Variants in KIAA0825 observed in about 807,000 individuals in gnomAD.
The protein encoded by KIAA0825 is uncharacterized protein KIAA0825.
KIAA0825 carries 119 observed loss-of-function variants against 147.6 expected under a neutral mutation model. That is an observed-to-expected ratio of 0.81 (90% CI 0.69 to 0.94). The LOEUF (loss-of-function observed/expected upper bound fraction) is 0.94, where lower values mean the gene tolerates loss of function less well. KIAA0825 is among the 40% of genes least tolerant of loss of function. KIAA0825 has a pLI of 0.00. For synonymous variants in KIAA0825, 470 were observed against 518.1 expected, an observed-to-expected ratio of 0.91 and a Z score of 1.26; for missense variants, 1,381 against 1,472.7, an observed-to-expected ratio of 0.94 and a Z score of 1.02.
At chr5:94,508,738 T>C (rs373631437) in intron 5 of KIAA0825, among the ~76,000 whole-genome samples, 3 of 152,214 alleles carry the variant, frequency 2.0e-5, no homozygotes, top group Non-Finnish European at 4.4e-5. Flanking sequence ...ATTGCACTTA[T>C]TGCCACTTCA....
intron 20 of KIAA0825, among the ~76,000 whole-genome samples, chr5:94,187,430 T>G (rs907034981): frequency 6.7e-5 from 10 of 149,592 alleles, no homozygotes; most frequent in African/African-American, 1.5e-4. Flanking sequence ...TTTTAATTTT[T>G]TTTTGTTTTG....
At chr5:94,387,363 G>A (rs1749298118) in intron 18 of KIAA0825, among the ~76,000 whole-genome samples, 1 of 152,122 alleles carries the variant, frequency 6.6e-6, no homozygotes, top group African/African-American at 2.4e-5. Context: ...TAGAAAAGCA[G>A]AATCTTGAAC....
intron 20 of KIAA0825, among the ~76,000 whole-genome samples, chr5:94,338,472 A>G (rs1229478103): frequency 6.6e-6 from 1 of 152,106 alleles, no homozygotes; most frequent in Non-Finnish European, 1.5e-5. Context: ...ATGGTGCCAC[A>G]TGTGCCACAT....
chr5:94,368,705 G>A (rs1584276939), intron 20 of KIAA0825, among the ~76,000 whole-genome samples: 2 of 152,220 alleles, frequency 1.3e-5, no homozygotes, highest in African/African-American at 4.8e-5. Context: ...ACAGAATTTA[G>A]ATGATGGGAA....
intron 15 of KIAA0825, among the ~76,000 whole-genome samples, chr5:94,406,364 A>G (rs2150645029): frequency 6.6e-6 from 1 of 152,320 alleles, no homozygotes; most frequent in African/African-American, 2.4e-5. Context: ...ATATATCTAG[A>G]ATTGTCCATA....
At chr5:94,217,891 C>T (rs1325786965) in intron 20 of KIAA0825, among the ~76,000 whole-genome samples, 1 of 152,060 alleles carries the variant, frequency 6.6e-6, no homozygotes, top group Admixed American at 6.6e-5. Flanking sequence ...ATGCTGCAAA[C>T]GTCTCAATGT....
intron 20 of KIAA0825, among the ~76,000 whole-genome samples, chr5:94,311,765 T>C (rs1779207442): frequency 1.3e-5 from 2 of 151,754 alleles, no homozygotes; most frequent in Admixed American, 1.3e-4. Flanking sequence ...CACTTCATCT[T>C]TCACTCTGCA....
Position 94,554,738 on chromosome 5 carries a change from A to G in KIAA0825, c.-1-17611T>C, listed in dbSNP as rs951686189. ...GTACTATATATATATATATATATAT[A>G]TATATATATATATATATATATATGA... is the stretch of plus-strand genomic sequence containing the variant. On this transcript the variant is annotated intron_variant, in intron 2 of 20. Coordinates refer to ENST00000682413, the MANE Select transcript of KIAA0825 (RefSeq NM_001145678.3). 3.7e-5 allele frequency among the ~76,000 whole-genome samples: 5 copies of G among 134,232 alleles called. 1 individual carries two copies. Among genetic ancestry groups the G allele is most frequent in the African/African-American group, 1.5e-4 (5 of 34,480 alleles). 88.1% of individuals were successfully genotyped at this position (134,232 alleles called of 152,430 possible). A position where few individuals can be genotyped will look rare whatever the true frequency, so the allele number is the denominator to read the frequency against.
At chr5:94,188,776 T>A (rs1770393271) in intron 20 of KIAA0825, among the ~76,000 whole-genome samples, 1 of 152,174 alleles carries the variant, frequency 6.6e-6, no homozygotes, top group Non-Finnish European at 1.5e-5. Flanking sequence ...TTTACTTGAA[T>A]AAAATAGCTG....
intron 2 of KIAA0825, chr5:94,568,561 C>G (rs1779209383): frequency 6.6e-6 from 1 of 152,422 alleles, no homozygotes; most frequent in Non-Finnish European, 1.5e-5. Flanking sequence ...CCACATCCAT[C>G]CCCCAAATGA....
At chr5:94,387,814 T>A (rs1358450307) in intron 18 of KIAA0825, among the ~76,000 whole-genome samples, 1 of 151,988 alleles carries the variant, frequency 6.6e-6, no homozygotes, top group African/African-American at 2.4e-5. Context: ...ATCACACAGG[T>A]GTGAGAGGTA....
intron 2 of KIAA0825, among the ~76,000 whole-genome samples, chr5:94,549,369 G>A (rs909049702): frequency 5.3e-5 from 8 of 152,096 alleles, no homozygotes; most frequent in Non-Finnish European, 1.0e-4. Flanking sequence ...AAATTATGAA[G>A]CAAATTAAAA....
chr5:94,402,988 T>C (rs1325798289), intron 16 of KIAA0825, among the ~76,000 whole-genome samples: 1 of 152,006 alleles, frequency 6.6e-6, no homozygotes, highest in Non-Finnish European at 1.5e-5. Flanking sequence ...AACTGATAGT[T>C]CTTAAGTACA....
At chr5:94,373,399 A>G (rs1480130830) in intron 20 of KIAA0825, among the ~76,000 whole-genome samples, 1 of 152,230 alleles carries the variant, frequency 6.6e-6, no homozygotes, top group Non-Finnish European at 1.5e-5. Flanking sequence ...TTTTTTATAA[A>G]GGAGAAAATC....
At chr5:94,235,927 C>T (rs999454172) in intron 20 of KIAA0825, among the ~76,000 whole-genome samples, 2 of 152,044 alleles carry the variant, frequency 1.3e-5, no homozygotes, top group African/African-American at 2.4e-5. Context: ...ACCTACTGCT[C>T]AGAAAAAAAG....
chr5:94,560,228 G>C (rs1168692903), intron 2 of KIAA0825, among the ~76,000 whole-genome samples: 1 of 152,082 alleles, frequency 6.6e-6, no homozygotes, highest in East Asian at 1.9e-4. Context: ...GAGGGGTAGG[G>C]GTTCTGAAGG....
intron 20 of KIAA0825, among the ~76,000 whole-genome samples, chr5:94,308,787 CCTTTTGG>C (rs1220743768): frequency 6.6e-6 from 1 of 151,688 alleles, no homozygotes; most frequent in African/African-American, 2.4e-5. Context: ...AGTCATTGCC[CCTTTTGG>C]TGGCATGGGA....
chr5:94,456,365 C>T (rs1052532223), intron 12 of KIAA0825, among the ~76,000 whole-genome samples: 2 of 152,166 alleles, frequency 1.3e-5, no homozygotes, highest in Non-Finnish European at 2.9e-5. Flanking sequence ...TAAGTCTTCT[C>T]TGACTACCCT....
chr5:94,504,393 C>T (rs1420941242), intron 5 of KIAA0825, among the ~76,000 whole-genome samples: 3 of 152,086 alleles, frequency 2.0e-5, no homozygotes, highest in African/African-American at 7.2e-5. Flanking sequence ...GGCCCAGATG[C>T]CCAGTTTTAT....
Sources: allele counts gnomAD v4.1 joint callset (sites outside exome capture counted in the v4.1 genomes callset), GRCh38; gene constraint gnomAD v4.1.1; transcripts MANE v1.5; gene names NCBI Gene and HGNC (gene_info 2026-07-23, HGNC 2026-07-21).